Variants in MAST4 observed in about 807,000 individuals in gnomAD.
MAST4 encodes microtubule associated serine/threonine kinase family member 4.
MAST4 carries 89 observed loss-of-function variants against 162.7 expected under a neutral mutation model. The ratio of observed to expected loss-of-function variants is 0.55; its 90% CI spans 0.46 to 0.65. The LOEUF is 0.65. Ranked by LOEUF, MAST4 falls within the 30% of genes least tolerant of loss-of-function variation. The pLI, the probability that MAST4 is intolerant of heterozygous loss-of-function variation, is 0.00. For synonymous variants in MAST4, 1,479 were observed against 1,361.1 expected (o/e 1.09, Z -1.91); for missense variants, 3,153 against 3,374.0 (o/e 0.93, Z 1.62).
At chr5:66,895,763 A>G (rs887882821) in intron 3 of MAST4, among the ~76,000 whole-genome samples, 1 of 152,106 alleles carries the variant, frequency 6.6e-6, no homozygotes, top group African/African-American at 2.4e-5. Flanking sequence ...TTAGATATTT[A>G]TGTGTTCATT....
chr5:66,879,770 C>T (rs573230861), intron 3 of MAST4, among the ~76,000 whole-genome samples: 261 of 152,312 alleles, frequency 1.7e-3, no homozygotes, highest in Non-Finnish European at 2.9e-3. Flanking sequence ...GCCTTGGCCT[C>T]CCAAAGTTCT....
chr5:66,735,930 T>C (rs537851586), intron 1 of MAST4, among the ~76,000 whole-genome samples: 2 of 152,348 alleles, frequency 1.3e-5, no homozygotes, highest in South Asian at 2.1e-4. Context: ...AAGACCTTTA[T>C]TGTTTCATGC....
At chr5:66,837,876 ATATATATATATATATATATTTTTTTTTT>A (rs1758095730) in intron 3 of MAST4, among the ~76,000 whole-genome samples, 1 of 48,668 alleles carries the variant, frequency 2.1e-5, no homozygotes, top group African/African-American at 1.2e-4. Flanking sequence ...ATATATATAT[ATATATATATATATATATATTTTTTTTTT>A]TTTTTTTTTT....
At chr5:66,714,007 G>A (rs1378545172) in intron 1 of MAST4, among the ~76,000 whole-genome samples, 1 of 152,130 alleles carries the variant, frequency 6.6e-6, no homozygotes, top group East Asian at 1.9e-4. Flanking sequence ...AAGTACTTTT[G>A]TATTCCCATT....
intron 3 of MAST4, among the ~76,000 whole-genome samples, chr5:66,848,825 G>C (rs1243713333): frequency 6.6e-6 from 1 of 152,150 alleles, no homozygotes; most frequent in Non-Finnish European, 1.5e-5. Flanking sequence ...CCTCTTGCCA[G>C]ACCACATGTA....
At chr5:67,058,162 G>A (rs1405539168) in intron 5 of MAST4, among the ~76,000 whole-genome samples, 1 of 152,148 alleles carries the variant, frequency 6.6e-6, no homozygotes, top group Non-Finnish European at 1.5e-5. Flanking sequence ...CTGAGCTGGG[G>A]AGATCTAGTC....
intron 4 of MAST4, among the ~76,000 whole-genome samples, chr5:66,950,186 A>G (rs532350440): frequency 2.0e-5 from 3 of 152,174 alleles, no homozygotes; most frequent in Non-Finnish European, 4.4e-5. Flanking sequence ...GAAGTCGTAT[A>G]TATAAGTAGA....
intron 12 of MAST4, among the ~76,000 whole-genome samples, chr5:67,118,049 ACT>A (rs1169011186): frequency 6.6e-6 from 1 of 152,208 alleles, no homozygotes; most frequent in East Asian, 1.9e-4. Flanking sequence ...AGTACAAAAA[ACT>A]CTAAGAAATA....
intron 3 of MAST4, among the ~76,000 whole-genome samples, chr5:66,847,426 A>G (rs1404977851): frequency 6.6e-6 from 1 of 152,198 alleles, no homozygotes; most frequent in African/African-American, 2.4e-5. Flanking sequence ...TGAGATCAGG[A>G]GTTCAAGACA....
rs180970814 is a variant in MAST4 at position 66,681,686 on chromosome 5, G to T, written c.364-78023G>T. Among the ~76,000 whole-genome samples, 3 of 152,316 alleles carry T rather than the reference G, an allele frequency of 2.0e-5. No individual in the cohort carries two copies. In the South Asian group the frequency reaches 6.2e-4, roughly 32 times the overall value. On this transcript the variant is annotated intron_variant, in intron 1 of 28. Coordinates refer to ENST00000403625, the MANE Select transcript of MAST4 (RefSeq NM_001164664.2). ...CTTCTCATACAAAAAGGCACAGCTT[G>T]ACTGATGAGAGGGCATTGCAGGAGG...
chr5:66,827,896 A>T (rs1336354356), intron 3 of MAST4, among the ~76,000 whole-genome samples: 1 of 152,192 alleles, frequency 6.6e-6, no homozygotes, highest in Non-Finnish European at 1.5e-5. Context: ...CTCCTGTGCC[A>T]TGCCAGTAAT....
intron 1 of MAST4, among the ~76,000 whole-genome samples, chr5:66,638,428 TC>T (rs1260830367): frequency 4.6e-5 from 7 of 152,200 alleles, no homozygotes; most frequent in Non-Finnish European, 1.0e-4. Flanking sequence ...TCATTATACC[TC>T]TGTAGGGTAA....
At chr5:66,952,774 C>T (rs1333451404) in intron 4 of MAST4, among the ~76,000 whole-genome samples, 4 of 152,150 alleles carry the variant, frequency 2.6e-5, no homozygotes, top group African/African-American at 4.8e-5. Context: ...ACTCTTTCCC[C>T]GACTCTCATG....
intron 4 of MAST4, chr5:66,917,135 T>G (rs1764166609): frequency 4.6e-6 from 3 of 655,982 alleles, no homozygotes; most frequent in Middle Eastern, 2.4e-4. Context: ...TCACTGCCCT[T>G]AATTCTTTCC....
chr5:67,083,158 T>A (rs1215142904), intron 5 of MAST4, among the ~76,000 whole-genome samples: 2 of 152,216 alleles, frequency 1.3e-5, no homozygotes, highest in African/African-American at 4.8e-5. Flanking sequence ...TCTTGGCACA[T>A]CACGTATTAT....
intron 3 of MAST4, among the ~76,000 whole-genome samples, chr5:66,813,985 G>A (rs1756597976): frequency 6.6e-6 from 1 of 152,206 alleles, no homozygotes; most frequent in African/African-American, 2.4e-5. Flanking sequence ...GTCATCTCTG[G>A]AAAGTCAGGA....
At chr5:67,014,975 T>G (rs530185930) in intron 4 of MAST4, among the ~76,000 whole-genome samples, 3 of 152,304 alleles carry the variant, frequency 2.0e-5, no homozygotes, top group African/African-American at 7.2e-5. Flanking sequence ...GATACTGAAC[T>G]GGTTAGCTAT....
chr5:66,661,862 T>C lies in MAST4; in HGVS notation c.363+64844T>C, dbSNP rs567525395. 1.6e-4 allele frequency among the ~76,000 whole-genome samples: 24 copies of C among 152,326 alleles called. No individual in the cohort carries two copies. In the South Asian group the frequency reaches 1.9e-3, roughly 12 times the overall value. The stretch of plus-strand genomic sequence containing the variant: ...AGCAATGATTGAGTTCTAAGAGCTG[T>C]GGTCAATTTTATTAATAGGTCCACC... On this transcript the variant is annotated intron_variant, in intron 1 of 28. Transcript: ENST00000403625.
chr5:67,053,422 G>T (rs949495009), intron 4 of MAST4, among the ~76,000 whole-genome samples: 1 of 152,178 alleles, frequency 6.6e-6, no homozygotes, highest in African/African-American at 2.4e-5. Flanking sequence ...AACTCCTAAT[G>T]GTGGTTGAGG....
Sources: gnomAD v4.1 joint callset for allele counts (sites outside exome capture counted in the v4.1 genomes callset) on GRCh38, gnomAD v4.1.1 for gene constraint, MANE v1.5 for transcripts, NCBI Gene and HGNC (gene_info 2026-07-23, HGNC 2026-07-21) for gene names.